The following CCBE1 variants were observed in gnomAD, a reference collection of about 807,000 sequenced individuals.
CCBE1 encodes collagen and calcium-binding EGF domain-containing protein 1.
Under a neutral mutation model 50.0 loss-of-function variants are expected in CCBE1, and 37 were observed. The ratio of observed to expected loss-of-function variants is 0.74; its 90% CI spans 0.57 to 0.97. The LOEUF is 0.97. Among genes scored for constraint, CCBE1 ranks in the 50% least tolerant of loss-of-function variants. CCBE1 has a pLI of 0.00. For synonymous variants in CCBE1, 234 were observed against 203.7 expected (o/e 1.15, Z -1.27); for missense variants, 538 against 523.8 (o/e 1.03, Z -0.26).
intron 3 of CCBE1, among the ~76,000 whole-genome samples, chr18:59,475,650 T>C (rs1445534451): frequency 6.6e-6 from 1 of 152,210 alleles, no homozygotes; most frequent in Non-Finnish European, 1.5e-5. Context: ...GAGTTTAGTT[T>C]GTCTACCCTC....
At chr18:59,544,531 A>G (rs912826421) in intron 2 of CCBE1, among the ~76,000 whole-genome samples, 2 of 152,206 alleles carry the variant, frequency 1.3e-5, no homozygotes, top group African/African-American at 4.8e-5. Flanking sequence ...CAGGTGCTCT[A>G]AACTAGAAGA....
chr18:59,528,838 C>T (rs757336744), intron 2 of CCBE1, among the ~76,000 whole-genome samples: 4 of 152,218 alleles, frequency 2.6e-5, no homozygotes, highest in Non-Finnish European at 5.9e-5. Context: ...GCTCCTTCCT[C>T]TGGGAGCTCC....
At position 59,431,031 on chromosome 18, in the gene CCBE1, G is replaced by C. The variant is rs139842926; in HGVS notation, c.*4877C>G. 1.3e-5 allele frequency: 2 copies of C among 152,276 alleles called. No individual in the cohort carries two copies. Among genetic ancestry groups the C allele is most frequent in the East Asian group, 3.9e-4 (2 of 5,188 alleles). The allele number at this position is 152,276 out of a possible 1,614,324, so 9.4% of individuals were successfully genotyped here. A position where few individuals can be genotyped will look rare whatever the true frequency, so the allele number is the denominator to read the frequency against. On this transcript the variant is annotated 3_prime_UTR_variant, in exon 11 of 11. Transcript: ENST00000439986. ...TAATTGCTTGAATGCTAACTTGACT[G>C]TTACATGGACCTGTTACAAATAATG...
intron 5 of CCBE1, among the ~76,000 whole-genome samples, chr18:59,460,784 G>A (rs1379974690): frequency 1.3e-5 from 2 of 151,754 alleles, no homozygotes; most frequent in African/African-American, 4.8e-5. Flanking sequence ...ATACAAAAAG[G>A]TTTAGCTGGG....
chr18:59,516,053 G>A (rs897678222), intron 2 of CCBE1, among the ~76,000 whole-genome samples: 4 of 152,076 alleles, frequency 2.6e-5, no homozygotes, highest in African/African-American at 9.7e-5. Context: ...CCGCCTCCTG[G>A]GTTCAAGCGA....
intron 2 of CCBE1, among the ~76,000 whole-genome samples, chr18:59,640,894 A>G (rs1258987521): frequency 1.3e-5 from 2 of 152,178 alleles, no homozygotes; most frequent in African/African-American, 4.8e-5. Flanking sequence ...AAAATGCTCA[A>G]CATCCCTCAT....
intron 2 of CCBE1, among the ~76,000 whole-genome samples, chr18:59,571,579 CA>C (rs772875604): frequency 1.3e-5 from 2 of 152,020 alleles, no homozygotes; most frequent in African/African-American, 2.4e-5. Context: ...ACATATGTAA[CA>C]AACCTGCACG....
intron 2 of CCBE1, among the ~76,000 whole-genome samples, chr18:59,688,919 G>A (rs2054693129): frequency 6.6e-6 from 1 of 152,216 alleles, no homozygotes; most frequent in Non-Finnish European, 1.5e-5. Context: ...TGGATGAGGT[G>A]TTATAGATGG....
intron 2 of CCBE1, among the ~76,000 whole-genome samples, chr18:59,561,854 A>C (rs145711223): frequency 1.4e-3 from 216 of 152,278 alleles, no homozygotes; most frequent in African/African-American, 5.0e-3. Flanking sequence ...GACAGGGTGG[A>C]TGGTGTGAGA....
intron 2 of CCBE1, among the ~76,000 whole-genome samples, chr18:59,547,067 G>GAGAGTGGGAC (rs1915721969): frequency 9.6e-6 from 1 of 104,180 alleles, no homozygotes; most frequent in African/African-American, 4.0e-5. Flanking sequence ...GAGAGGGGGA[G>GAGAGTGGGAC]AGAGGGGGAG....
chr18:59,648,526 G>A (rs1285069346), intron 2 of CCBE1, among the ~76,000 whole-genome samples: 1 of 152,110 alleles, frequency 6.6e-6, no homozygotes, highest in African/African-American at 2.4e-5. Flanking sequence ...CCAACATGGA[G>A]AAAACCCCAT....
intron 2 of CCBE1, among the ~76,000 whole-genome samples, chr18:59,637,394 A>T (rs1450035364): frequency 1.3e-5 from 2 of 152,172 alleles, no homozygotes; most frequent in Non-Finnish European, 2.9e-5. Flanking sequence ...TAATAGTCTG[A>T]TTTATCCATC....
rs941612044 is a variant in CCBE1 at position 59,668,502 on chromosome 18, T to A, written c.212+28127A>T. ...AATATATATTTCATATGTAATCTGC[T>A]TTGTTCACATAATATATCATAAGCA... On this transcript the variant is annotated intron_variant, in intron 2 of 10. Coordinates refer to ENST00000439986, the MANE Select transcript of CCBE1 (RefSeq NM_133459.4). 3.9e-5 allele frequency among the ~76,000 whole-genome samples: 6 copies of A among 152,134 alleles called. No individual in the cohort carries two copies. In the East Asian group the frequency reaches 1.2e-3, roughly 29 times the overall value.
intron 2 of CCBE1, among the ~76,000 whole-genome samples, chr18:59,543,397 T>C (rs1468462753): frequency 6.6e-6 from 1 of 152,206 alleles, no homozygotes; most frequent in Non-Finnish European, 1.5e-5. Flanking sequence ...AGACTTAAAA[T>C]TTTCTATATG....
At chr18:59,508,935 T>C (rs1568177826) in intron 2 of CCBE1, among the ~76,000 whole-genome samples, 2 of 152,122 alleles carry the variant, frequency 1.3e-5, no homozygotes, top group Non-Finnish European at 2.9e-5. Context: ...TCAAGGCCAA[T>C]AAGTGAGTGC....
intron 2 of CCBE1, among the ~76,000 whole-genome samples, chr18:59,537,714 T>C (rs1263921339): frequency 6.6e-6 from 1 of 152,204 alleles, no homozygotes; most frequent in African/African-American, 2.4e-5. Context: ...GTGTACAGCC[T>C]TCAATGTGTC....
At position 59,466,739 on chromosome 18, in the gene CCBE1, C is replaced by G; in HGVS notation, c.553G>C (p.Gly185Arg). ...AGATATTTAGACTTGCCCTACTTAC[C>G]AGTGTCATTGGGATATTTGTCTCCC... ...TRGDKYPNDT[G>R]HEKSENMVKA... Residue 185 changes from glycine to arginine, a missense_variant and splice_region_variant, in exon 5 of 11, where the codon GGC becomes CGC. Transcript: ENST00000439986. 1.2e-6 allele frequency: 2 copies of G among 1,611,590 alleles called. No homozygotes were observed. Among genetic ancestry groups the G allele is most frequent in the Non-Finnish European group, 1.7e-6 (2 of 1,178,984 alleles).
chr18:59,483,893 T>C (rs1912693397), intron 2 of CCBE1, among the ~76,000 whole-genome samples: 1 of 152,180 alleles, frequency 6.6e-6, no homozygotes, highest in African/African-American at 2.4e-5. Context: ...CATAGATTAA[T>C]TTGACATTTT....
chr18:59,675,744 A>G (rs1254580305), intron 2 of CCBE1, among the ~76,000 whole-genome samples: 1 of 152,218 alleles, frequency 6.6e-6, no homozygotes, highest in African/African-American at 2.4e-5. Flanking sequence ...AGACATTCTC[A>G]AAATACTTTC....
Sources: allele counts gnomAD v4.1 joint callset (sites outside exome capture counted in the v4.1 genomes callset), GRCh38; gene constraint gnomAD v4.1.1; transcripts MANE v1.5; gene names NCBI Gene and HGNC (gene_info 2026-07-23, HGNC 2026-07-21).